The following PRKN variants were observed in gnomAD, a reference collection of about 807,000 sequenced individuals.
PRKN encodes parkin RBR E3 ubiquitin protein ligase.
A neutral mutation model predicts 59.5 loss-of-function variants in PRKN; 56 were observed. The ratio of observed to expected loss-of-function variants is 0.94; its 90% CI spans 0.76 to 1.18. The LOEUF is 1.18. Among genes scored for constraint, PRKN ranks in the 50% most tolerant of loss-of-function variants. The probability of loss-of-function intolerance (pLI) is 0.00; values close to 1 mark genes in which losing one functional copy is unlikely to be tolerated. For missense variants in PRKN, 657 were observed against 596.4 expected (o/e 1.10, Z -1.06); for synonymous variants, 250 against 222.1 (o/e 1.13, Z -1.12).
rs1380898753 is a variant in PRKN, at chr6:161,757,871, C to CTCTCTCTCTCTCTCTCTCTCTCTCTGTG, written c.871+27900_871+27901insCACAGAGAGAGAGAGAGAGAGAGAGAGA. On this transcript the variant is annotated intron_variant, in intron 7 of 11. Coordinates refer to ENST00000366898, the MANE Select transcript of PRKN (RefSeq NM_004562.3). ...TCTCTCTCTCTCTCTCTCTCTCTCT[C>CTCTCTCTCTCTCTCTCTCTCTCTCTGTG]TGTGTATATATATATACACACACAC... Among the ~76,000 whole-genome samples the CTCTCTCTCTCTCTCTCTCTCTCTCTGTG allele has an allele frequency of 4.4e-3, 432 of 97,914 alleles. 46 individuals carry two copies. Among genetic ancestry groups the CTCTCTCTCTCTCTCTCTCTCTCTCTGTG allele is most frequent in the African/African-American group, 0.013 (287 of 22,304 alleles). 64.2% of individuals were successfully genotyped at this position (97,914 alleles called of 152,430 possible). A position where few individuals can be genotyped will look rare whatever the true frequency, so the allele number is the denominator to read the frequency against.
rs1421418287 is a variant in PRKN at position 162,472,486 on chromosome 6, T to C, written c.8-29013A>G. 9.2e-5 allele frequency among the ~76,000 whole-genome samples: 12 copies of C among 130,400 alleles called. 2 individuals carry two copies. Among genetic ancestry groups the C allele is most frequent in the Non-Finnish European group, 1.8e-4 (11 of 60,262 alleles). 85.5% of individuals were successfully genotyped at this position (130,400 alleles called of 152,430 possible). On this transcript the variant is annotated intron_variant, in intron 1 of 11. Transcript: ENST00000366898. ...TATTTTATTTTATTTTATTTTATTT[T>C]ATTTTATTTTTTGAGACGGAGTCTC...
At chr6:161,403,626 G>A (rs1423312888) in intron 9 of PRKN, among the ~76,000 whole-genome samples, 3 of 152,152 alleles carry the variant, frequency 2.0e-5, no homozygotes, top group East Asian at 3.9e-4. Flanking sequence ...GGAGAGCCAC[G>A]CTTTTATCCT....
intron 5 of PRKN, among the ~76,000 whole-genome samples, chr6:162,046,074 C>G (rs1486387978): frequency 2.6e-5 from 4 of 152,168 alleles, no homozygotes; most frequent in African/African-American, 9.7e-5. Flanking sequence ...TGTACTCTCT[C>G]CTAATCTAAA....
At chr6:162,602,310 C>T (rs1781743935) in intron 1 of PRKN, among the ~76,000 whole-genome samples, 1 of 152,032 alleles carries the variant, frequency 6.6e-6, no homozygotes, top group African/African-American at 2.4e-5. Context: ...ATGTTTCAGG[C>T]AAACAGAGTG....
At chr6:162,560,705 A>G (rs948008361) in intron 1 of PRKN, among the ~76,000 whole-genome samples, 1 of 152,106 alleles carries the variant, frequency 6.6e-6, no homozygotes, top group Non-Finnish European at 1.5e-5. Flanking sequence ...AGATTGTGTT[A>G]ACAAATTTGC....
At chr6:161,775,082 A>G (rs1216128488) in intron 7 of PRKN, among the ~76,000 whole-genome samples, 1 of 152,156 alleles carries the variant, frequency 6.6e-6, no homozygotes, top group African/African-American at 2.4e-5. Context: ...AGGCAAACAG[A>G]CAGGCAGACA....
At chr6:161,719,664 C>T (rs1787136159) in intron 7 of PRKN, among the ~76,000 whole-genome samples, 1 of 152,202 alleles carries the variant, frequency 6.6e-6, no homozygotes, top group Non-Finnish European at 1.5e-5. Context: ...GTTCTCCTAT[C>T]ATGATAAGAG....
chr6:162,097,884 C>T (rs1282497826), intron 4 of PRKN, among the ~76,000 whole-genome samples: 12 of 152,160 alleles, frequency 7.9e-5, no homozygotes, highest in Non-Finnish European at 1.8e-4. Flanking sequence ...TACTCTAATG[C>T]TGGTGAAATT....
chr6:162,635,635 T>C (rs1374080362), intron 1 of PRKN, among the ~76,000 whole-genome samples: 1 of 152,186 alleles, frequency 6.6e-6, no homozygotes, highest in Non-Finnish European at 1.5e-5. Context: ...AAGAAATTAT[T>C]TCTTAATTTG....
At chr6:162,220,621 A>C (rs1243445829) in intron 3 of PRKN, among the ~76,000 whole-genome samples, 1 of 152,226 alleles carries the variant, frequency 6.6e-6, no homozygotes, top group African/African-American at 2.4e-5. Flanking sequence ...CCCAACCAGT[A>C]ACCAAGGTAA....
At chr6:162,619,525 G>C (rs1318577171) in intron 1 of PRKN, among the ~76,000 whole-genome samples, 2 of 151,990 alleles carry the variant, frequency 1.3e-5, no homozygotes, top group African/African-American at 4.8e-5. Context: ...CTAATGATTC[G>C]CATTAAAAAG....
chr6:161,897,884 G>A (rs556963902), intron 6 of PRKN, among the ~76,000 whole-genome samples: 1 of 142,720 alleles, frequency 7.0e-6, no homozygotes, highest in Admixed American at 7.5e-5. Context: ...GGAGAATGGC[G>A]TGAACCCGGG....
In PRKN at chr6:162,634,118, C is replaced by A. The variant is rs549557215; in HGVS notation, c.7+93544G>T. Among the ~76,000 whole-genome samples, 20 of 152,242 alleles carry A rather than the reference C, an allele frequency of 1.3e-4. No individual in the cohort carries two copies. The South Asian group carries it at 1.7e-3, about 13-fold the overall frequency. ...AAAAAAGCCAAAGTTCCCAGAACAG[C>A]CTGTGCATTCACCTCTCCATACCTG... is the stretch of plus-strand genomic sequence containing the variant. On this transcript the variant is annotated intron_variant, in intron 1 of 11. Transcript: ENST00000366898.
At chr6:162,496,596 A>G (rs1190345573) in intron 1 of PRKN, among the ~76,000 whole-genome samples, 1 of 152,222 alleles carries the variant, frequency 6.6e-6, no homozygotes, top group African/African-American at 2.4e-5. Context: ...CCTTAAACAC[A>G]TACAGAATAG....
chr6:162,086,483 T>C (rs1011080040), intron 4 of PRKN, among the ~76,000 whole-genome samples: 1 of 152,154 alleles, frequency 6.6e-6, no homozygotes, highest in Non-Finnish European at 1.5e-5. Flanking sequence ...CGACTCGCTG[T>C]TACCATACTA....
chr6:161,732,186 A>C (rs1314638316), intron 7 of PRKN, among the ~76,000 whole-genome samples: 2 of 151,722 alleles, frequency 1.3e-5, no homozygotes, highest in African/African-American at 4.9e-5. Flanking sequence ...TCCTGGGTTC[A>C]AGCGATTCTC....
At chr6:162,535,325 A>G (rs1255814685) in intron 1 of PRKN, among the ~76,000 whole-genome samples, 3 of 152,088 alleles carry the variant, frequency 2.0e-5, no homozygotes, top group Admixed American at 1.3e-4. Context: ...TTGAGTTCAG[A>G]TAACTTTTAG....
intron 6 of PRKN, among the ~76,000 whole-genome samples, chr6:161,786,121 T>G (rs938796395): frequency 1.3e-5 from 2 of 152,218 alleles, no homozygotes; most frequent in Admixed American, 6.5e-5. Context: ...TTCTCCTAAT[T>G]TTACATTTTT....
intron 7 of PRKN, among the ~76,000 whole-genome samples, chr6:161,731,203 T>C (rs968386350): frequency 1.3e-5 from 2 of 152,278 alleles, no homozygotes; most frequent in Admixed American, 1.3e-4. Context: ...GTTTAAAAGA[T>C]GGAGCTGTAT....
Sources: allele counts gnomAD v4.1 joint callset (sites outside exome capture counted in the v4.1 genomes callset), GRCh38; gene constraint gnomAD v4.1.1; transcripts MANE v1.5; gene names NCBI Gene and HGNC (gene_info 2026-07-23, HGNC 2026-07-21).